PDE12: variants seen among roughly 807,000 people sequenced by gnomAD.
PDE12 encodes the protein 2',5'-phosphodiesterase 12.
PDE12 carries 26 observed loss-of-function variants against 45.4 expected under a neutral mutation model. The ratio of observed to expected loss-of-function variants is 0.57; its 90% CI spans 0.42 to 0.79. The LOEUF is 0.79. PDE12 is among the 30% of genes least tolerant of loss of function. PDE12 has a pLI of 0.00. For missense variants in PDE12, 668 were observed against 790.0 expected, an observed-to-expected ratio of 0.85 and a Z score of 1.85; for synonymous variants, 283 against 323.9, an observed-to-expected ratio of 0.87 and a Z score of 1.36.
Position 57,556,995 on chromosome 3 carries a change from G to T in PDE12, c.616G>T (p.Ala206Ser). 2 of 1,614,164 alleles carry T rather than the reference G, an allele frequency of 1.2e-6. No individual in the cohort carries two copies. The highest frequency in any genetic ancestry group is 1.7e-6 in the Non-Finnish European group (2 of 1,180,032). The stretch of plus-strand genomic sequence containing the variant: ...GTATAAGGAAGCCAAGCCCGGAGCG[G>T]CGGAGCCCGAGGTCGGTGTCCCCTC... The part of the protein sequence containing the change: ...RWYKEAKPGA[A>S]EPEVGVPSSL... The change falls in exon 1 of 3, where the codon GCG (alanine) becomes TCG (serine). Residue 206 changes from alanine to serine, a missense_variant. Physicochemically the swap from Ala to Ser is moderately conservative, Grantham distance 99. Transcript: ENST00000311180. The surrounding 1 kb of genome is among the most constrained non-coding windows in gnomAD (Gnocchi z 5.0).
chr3:57,608,372 A>G, the PDE12 span, among the ~76,000 whole-genome samples: 1 of 152,174 alleles, frequency 6.6e-6, no homozygotes, highest in African/African-American at 2.4e-5. Context: ...GACAGGATCA[A>G]ATTCACACAT....
the PDE12 span, among the ~76,000 whole-genome samples, chr3:57,613,366 T>C: frequency 1.3e-5 from 2 of 149,590 alleles, no homozygotes; most frequent in African/African-American, 4.9e-5. Context: ...CGATCTCGGC[T>C]CACTGCAACC....
At chr3:57,634,499 A>C in the PDE12 span, 2 of 968,902 alleles carry the variant, frequency 2.1e-6, no homozygotes, top group Non-Finnish European at 2.9e-6. Context: ...ATATTGCGTA[A>C]CTGGATATTA....
rs532728228 is a variant in PDE12, at chr3:57,564,008, G to C, written c.*4004G>C. On this transcript the variant is annotated 3_prime_UTR_variant, in exon 3 of 3. Transcript: ENST00000311180. ...TTTATATGAAAGTACTTTTTTAAAT[G>C]TTAAAAATACTAGAGCTGTATTAAC... 3 of 152,282 alleles carry C rather than the reference G, an allele frequency of 2.0e-5. No homozygotes were observed. The South Asian group carries it at 6.2e-4, about 32-fold the overall frequency. The allele number at this position is 152,282 out of a possible 1,614,324, so 9.4% of individuals were successfully genotyped here. A position where few individuals can be genotyped will look rare whatever the true frequency, so the allele number is the denominator to read the frequency against.
At chr3:57,620,506 G>C in the PDE12 span, among the ~76,000 whole-genome samples, 1 of 152,014 alleles carries the variant, frequency 6.6e-6, no homozygotes, top group African/African-American at 2.4e-5. Context: ...AATAAATAAA[G>C]GTCATCCAGA....
chr3:57,610,324 C>G, the PDE12 span, among the ~76,000 whole-genome samples: 2 of 152,274 alleles, frequency 1.3e-5, no homozygotes, highest in East Asian at 1.9e-4. Flanking sequence ...AAAACTGGCA[C>G]AAGACGGGGA....
At chr3:57,622,106 G>A in the PDE12 span, among the ~76,000 whole-genome samples, 1 of 152,204 alleles carries the variant, frequency 6.6e-6, no homozygotes, top group Non-Finnish European at 1.5e-5. Flanking sequence ...AACCCGGGAG[G>A]TGGAGGTTGC....
At chr3:57,629,115 A>T in the PDE12 span, among the ~76,000 whole-genome samples, 6 of 152,350 alleles carry the variant, frequency 3.9e-5, no homozygotes, top group South Asian at 1.2e-3. Flanking sequence ...AGTAAAACAA[A>T]ATGTACTGAG....
the PDE12 span, chr3:57,631,010 T>C: frequency 6.2e-7 from 1 of 1,600,528 alleles, no homozygotes; most frequent in Non-Finnish European, 8.5e-7. Context: ...ATAAAAGGAG[T>C]GTCTTCAAAA....
the PDE12 span, among the ~76,000 whole-genome samples, chr3:57,618,607 G>GTTTTTTTTTTTTTTTT: frequency 1.6e-4 from 13 of 79,404 alleles, 1 homozygote; most frequent in Non-Finnish European, 1.9e-4. Context: ...TTGCTTTTGT[G>GTTTTTTTTTTTTTTTT]TTTTTTTTTT....
chr3:57,597,847 C>G, the PDE12 span: 6 of 152,236 alleles, frequency 3.9e-5, no homozygotes, highest in Non-Finnish European at 7.3e-5. Flanking sequence ...CAGACGCTTG[C>G]TTTAGTTGAC....
the PDE12 span, among the ~76,000 whole-genome samples, chr3:57,578,006 G>A: frequency 2.0e-5 from 3 of 151,944 alleles, no homozygotes; most frequent in African/African-American, 7.3e-5. Flanking sequence ...AGCTGAAATC[G>A]CACCACTGCA....
rs563541007 is a variant in PDE12 at position 57,565,250 on chromosome 3, A to C, written c.*5246A>C. On this transcript the variant is annotated 3_prime_UTR_variant, in exon 3 of 3. Transcript: ENST00000311180. ...ATGACTCTCCCGCTTCAGCCTCCCA[A>C]AGTACTGGGATTATAGGTGTGAGCC... 6.6e-6 allele frequency: 1 copy of C among 152,108 alleles called. No homozygotes were observed. Among genetic ancestry groups the C allele is most frequent in the Non-Finnish European group, 1.5e-5 (1 of 68,020 alleles). The allele number at this position is 152,108 out of a possible 1,614,324, so 9.4% of individuals were successfully genotyped here. A position where few individuals can be genotyped will look rare whatever the true frequency, so the allele number is the denominator to read the frequency against.
the PDE12 span, among the ~76,000 whole-genome samples, chr3:57,591,190 A>G: frequency 6.6e-6 from 1 of 152,326 alleles, no homozygotes; most frequent in East Asian, 1.9e-4. Flanking sequence ...GACGGTTACC[A>G]TGACACAATT....
chr3:57,643,994 CA>C, the PDE12 span, among the ~76,000 whole-genome samples: 1 of 147,172 alleles, frequency 6.8e-6, no homozygotes, highest in African/African-American at 2.5e-5. Context: ...ACTAAAAATA[CA>C]AAAAATTAGC....
chr3:57,589,350 C>A, the PDE12 span, among the ~76,000 whole-genome samples: 1 of 152,088 alleles, frequency 6.6e-6, no homozygotes, highest in Non-Finnish European at 1.5e-5. Context: ...ATCCCTTGAG[C>A]CCAGGGGATC....
chr3:57,630,924 C>A, the PDE12 span: 2 of 1,613,504 alleles, frequency 1.2e-6, no homozygotes, highest in Non-Finnish European at 1.7e-6. Context: ...TATATTCATA[C>A]CTTCCATGGG....
rs2069735117 is a variant in PDE12, at chr3:57,562,149, A to G, written c.*2145A>G. 1.0e-6 allele frequency: 1 copy of G among 967,144 alleles called. No individual in the cohort carries two copies. 59.9% of individuals were successfully genotyped at this position (967,144 alleles called of 1,614,324 possible). ...GACTTGGGAGAAAACAAAGTGTCAC[A>G]TCAAAAAGTTGAGAAACATTTTGAA... On this transcript the variant is annotated 3_prime_UTR_variant, in exon 3 of 3. Coordinates refer to ENST00000311180, the MANE Select transcript of PDE12 (RefSeq NM_177966.7).
At chr3:57,614,509 C>A in the PDE12 span, among the ~76,000 whole-genome samples, 1 of 149,462 alleles carries the variant, frequency 6.7e-6, no homozygotes, top group Non-Finnish European at 1.5e-5. Context: ...CACGGTGGCT[C>A]ACGCCTGTAA....
Sources: gnomAD v4.1 joint callset for allele counts (sites outside exome capture counted in the v4.1 genomes callset) on GRCh38, gnomAD v4.1.1 for gene constraint, Gnocchi (gnomAD v3.1) non-coding constraint, MANE v1.5 for transcripts, NCBI Gene and HGNC (gene_info 2026-07-23, HGNC 2026-07-21) for gene names.